The following PCCA variants were observed in gnomAD, a reference collection of about 807,000 sequenced individuals.
PCCA encodes propionyl-CoA carboxylase alpha chain, mitochondrial.
PCCA carries 74 observed loss-of-function variants against 101.3 expected under a neutral mutation model. The ratio of observed to expected loss-of-function variants is 0.73; its 90% CI spans 0.61 to 0.89. The LOEUF (loss-of-function observed/expected upper bound fraction) is 0.89, where lower values mean the gene tolerates loss of function less well. Among genes scored for constraint, PCCA ranks in the 40% least tolerant of loss-of-function variants. PCCA has a pLI of 0.00. For synonymous variants in PCCA, 294 were observed against 313.6 expected (o/e 0.94, Z 0.66); for missense variants, 891 against 907.0 (o/e 0.98, Z 0.23).
chr13:100,091,798 C>A (rs578102207), intron 1 of PCCA, among the ~76,000 whole-genome samples: 3 of 152,164 alleles, frequency 2.0e-5, no homozygotes, highest in Non-Finnish European at 4.4e-5. Flanking sequence ...GCTTTTTAAG[C>A]ACATTCTGTT....
chr13:100,259,040 G>A (rs773150124), intron 9 of PCCA, among the ~76,000 whole-genome samples: 2 of 152,068 alleles, frequency 1.3e-5, no homozygotes, highest in Non-Finnish European at 2.9e-5. Flanking sequence ...CTGCAAACAT[G>A]CCTATGCTTG....
At chr13:100,158,996 A>G (rs1037425448) in intron 6 of PCCA, among the ~76,000 whole-genome samples, 2 of 148,494 alleles carry the variant, frequency 1.3e-5, no homozygotes, top group African/African-American at 4.9e-5. Context: ...ATTTATTCCT[A>G]TACAGTTAAT....
At chr13:100,139,747 C>G (rs934933323) in intron 4 of PCCA, among the ~76,000 whole-genome samples, 13 of 152,068 alleles carry the variant, frequency 8.5e-5, no homozygotes, top group Non-Finnish European at 4.4e-5. Flanking sequence ...TTTTCCTTCC[C>G]TGTAAGAGAT....
chr13:100,459,199 C>A (rs556008937), intron 21 of PCCA, among the ~76,000 whole-genome samples: 1 of 152,224 alleles, frequency 6.6e-6, no homozygotes, highest in Non-Finnish European at 1.5e-5. Context: ...TAAGGCTCAC[C>A]CTAATCCAGT....
chr13:100,469,425 AC>A (rs1441637718), intron 21 of PCCA, among the ~76,000 whole-genome samples: 2 of 151,784 alleles, frequency 1.3e-5, no homozygotes, highest in African/African-American at 4.8e-5. Flanking sequence ...TAGAAGTGAA[AC>A]CTCATGCTTT....
chr13:100,321,141 C>A (rs1199992078), intron 16 of PCCA, among the ~76,000 whole-genome samples: 1 of 152,204 alleles, frequency 6.6e-6, no homozygotes, highest in Admixed American at 6.5e-5. Flanking sequence ...CAAATACTTT[C>A]CTCTTCCCGG....
intron 2 of PCCA, among the ~76,000 whole-genome samples, chr13:100,109,434 G>A (rs1436895946): frequency 6.6e-6 from 1 of 152,192 alleles, no homozygotes; most frequent in African/African-American, 2.4e-5. Flanking sequence ...TTGTTATCAT[G>A]ATTTGTTGTA....
At chr13:100,199,305 A>G (rs1258075028) in intron 6 of PCCA, among the ~76,000 whole-genome samples, 1 of 152,154 alleles carries the variant, frequency 6.6e-6, no homozygotes, top group Non-Finnish European at 1.5e-5. Flanking sequence ...TGCGTTTAAA[A>G]ATAATTTTAT....
intron 22 of PCCA, among the ~76,000 whole-genome samples, chr13:100,526,718 C>T (rs546053837): frequency 9.8e-4 from 150 of 152,376 alleles, no homozygotes; most frequent in African/African-American, 3.4e-3. Flanking sequence ...AAAACCTGGC[C>T]GGCTCAGGAC....
intron 18 of PCCA, among the ~76,000 whole-genome samples, chr13:100,366,627 TCTC>T (rs947323393): frequency 4.6e-5 from 7 of 151,920 alleles, no homozygotes; most frequent in Non-Finnish European, 7.4e-5. Flanking sequence ...TTTCTTTCCC[TCTC>T]CTCCTCCCCT....
chr13:100,224,562 C>T (rs1458705711), intron 7 of PCCA, among the ~76,000 whole-genome samples: 2 of 152,234 alleles, frequency 1.3e-5, no homozygotes, highest in African/African-American at 2.4e-5. Flanking sequence ...CAAGAGCGAG[C>T]GAGGGCTGTG....
intron 16 of PCCA, among the ~76,000 whole-genome samples, chr13:100,324,093 C>T (rs373628084): frequency 1.3e-5 from 2 of 152,188 alleles, no homozygotes; most frequent in East Asian, 1.9e-4. Flanking sequence ...AAGGAATGAA[C>T]AAACCTCTGT....
Position 100,364,890 on chromosome 13 carries a change from TA to T in PCCA, c.1644-3573del, listed in dbSNP as rs920926551. On this transcript the variant is annotated intron_variant, in intron 18 of 23. Transcript: ENST00000376285. The stretch of plus-strand genomic sequence containing the variant: ...TCATAGCGAGATCCACCCCATCTCT[TA>T]AAAAAAAAGCCAGACCTGGTGGTGG... Among the ~76,000 whole-genome samples the T allele has an allele frequency of 3.3e-5, 5 of 150,462 alleles. No homozygotes were observed. The South Asian group carries it at 8.4e-4, about 25-fold the overall frequency.
chr13:100,378,617 T>C lies in PCCA; in HGVS notation c.1746+10043T>C, dbSNP rs372390837. The stretch of plus-strand genomic sequence containing the variant: ...CCATATATCATGAAAGCTTTCTTTA[T>C]GTTTTAAAATTACTGAAAAATTTTT... On this transcript the variant is annotated intron_variant, in intron 19 of 23. Transcript: ENST00000376285. 1.1e-3 allele frequency among the ~76,000 whole-genome samples: 165 copies of C among 152,314 alleles called. 6 individuals carry two copies. In the South Asian group the frequency reaches 0.031, roughly 29 times the overall value.
intron 12 of PCCA, among the ~76,000 whole-genome samples, chr13:100,292,380 A>G (rs1566878500): frequency 6.6e-6 from 1 of 152,162 alleles, no homozygotes; most frequent in Non-Finnish European, 1.5e-5. Context: ...TAACTTCTGT[A>G]TGTTTTGATT....
chr13:100,376,295 G>T (rs2075897235), intron 19 of PCCA, among the ~76,000 whole-genome samples: 3 of 152,222 alleles, frequency 2.0e-5, no homozygotes, highest in Non-Finnish European at 2.9e-5. Flanking sequence ...ATCCCTGCGG[G>T]GGGGTGTCTC....
chr13:100,236,912 T>C (rs1317435772), intron 8 of PCCA: 2 of 152,242 alleles, frequency 1.3e-5, no homozygotes, highest in Non-Finnish European at 2.9e-5. Context: ...TCAGTAATTG[T>C]ATACATTTGA....
intron 21 of PCCA, among the ~76,000 whole-genome samples, chr13:100,477,838 C>T (rs1596085374): frequency 6.6e-6 from 1 of 152,176 alleles, no homozygotes; most frequent in Admixed American, 6.5e-5. Flanking sequence ...CTCCTTGGCT[C>T]CTGGGAAAGA....
intron 7 of PCCA, among the ~76,000 whole-genome samples, chr13:100,232,391 T>TGTGTGTGG (rs1490661189): frequency 2.0e-5 from 3 of 148,968 alleles, no homozygotes; most frequent in African/African-American, 7.6e-5. Flanking sequence ...TGTGTGTGTG[T>TGTGTGTGG]GGTTTTAGAG....
Sources: gnomAD v4.1 joint callset for allele counts (sites outside exome capture counted in the v4.1 genomes callset) on GRCh38, gnomAD v4.1.1 for gene constraint, MANE v1.5 for transcripts, NCBI Gene and HGNC (gene_info 2026-07-23, HGNC 2026-07-21) for gene names.